ITSN1: variants seen among roughly 807,000 people sequenced by gnomAD.
The protein encoded by ITSN1 is intersectin 1, also known as intersectin-1.
In ITSN1, 58 loss-of-function variants were observed where a neutral mutation model predicts 239.8. The ratio of observed to expected loss-of-function variants is 0.24; its 90% CI spans 0.20 to 0.30. The LOEUF (loss-of-function observed/expected upper bound fraction) is 0.30, where lower values mean the gene tolerates loss of function less well. Ranked by LOEUF, ITSN1 falls within the 10% of genes least tolerant of loss-of-function variation. ITSN1 has a pLI of 1.00. For missense variants in ITSN1, 1,558 were observed against 2,103.3 expected, an observed-to-expected ratio of 0.74 and a Z score of 5.07; for synonymous variants, 780 against 770.8, an observed-to-expected ratio of 1.01 and a Z score of -0.20.
chr21:33,684,002 G>A (rs2091108483), intron 1 of ITSN1, among the ~76,000 whole-genome samples: 1 of 152,146 alleles, frequency 6.6e-6, no homozygotes, highest in Admixed American at 6.5e-5. Flanking sequence ...AAAAGGAGGA[G>A]AATGAAGCCA....
At chr21:33,704,556 A>G (rs1313469106) in intron 1 of ITSN1, among the ~76,000 whole-genome samples, 1 of 152,146 alleles carries the variant, frequency 6.6e-6, no homozygotes, top group African/African-American at 2.4e-5. Context: ...TACTAATAAT[A>G]TTTAGTCCAT....
intron 34 of ITSN1, among the ~76,000 whole-genome samples, chr21:33,876,367 T>A (rs1569333960): frequency 6.6e-6 from 1 of 151,570 alleles, no homozygotes; most frequent in Non-Finnish European, 1.5e-5. Context: ...TCTTCTTTTT[T>A]CTTTTCTTTC....
intron 1 of ITSN1, among the ~76,000 whole-genome samples, chr21:33,670,199 A>G (rs2090179819): frequency 6.6e-6 from 1 of 152,088 alleles, no homozygotes; most frequent in Non-Finnish European, 1.5e-5. Flanking sequence ...ACCAAAAAGT[A>G]AAAAAATTAG....
chr21:33,663,930 T>C (rs970361792), intron 1 of ITSN1, among the ~76,000 whole-genome samples: 1 of 152,134 alleles, frequency 6.6e-6, no homozygotes. Context: ...AACCAAGAGT[T>C]ATTTAAAAGA....
chr21:33,763,286 G>A (rs958406447), intron 9 of ITSN1, among the ~76,000 whole-genome samples: 1 of 143,844 alleles, frequency 7.0e-6, no homozygotes, highest in Non-Finnish European at 1.5e-5. Flanking sequence ...CATTTGTCCT[G>A]TAGTTTCTTA....
chr21:33,874,654 C>T (rs9983771), intron 33 of ITSN1, among the ~76,000 whole-genome samples: 78,621 of 142,130 alleles, frequency 0.55, 22,308 homozygotes, highest in African/African-American at 0.68. Context: ...CTTTTTCTTT[C>T]TTTTTTTTTT....
intron 33 of ITSN1, among the ~76,000 whole-genome samples, chr21:33,870,517 T>C (rs1377385753): frequency 6.6e-6 from 1 of 152,216 alleles, no homozygotes; most frequent in Non-Finnish European, 1.5e-5. Context: ...TGAAATCTGC[T>C]AAAGTACTAA....
chr21:33,714,031 C>T (rs570154515), intron 1 of ITSN1, among the ~76,000 whole-genome samples: 3 of 151,914 alleles, frequency 2.0e-5, no homozygotes, highest in South Asian at 2.1e-4. Context: ...GGGGTTTTAC[C>T]GTGTTAGCCA....
At chr21:33,790,767 T>G (rs1415657274) in intron 16 of ITSN1, among the ~76,000 whole-genome samples, 1 of 152,220 alleles carries the variant, frequency 6.6e-6, no homozygotes, top group Non-Finnish European at 1.5e-5. Context: ...TGTTGATACT[T>G]TCAGTGTGGT....
At chr21:33,837,249 C>T (rs369811036) in intron 29 of ITSN1, 3 of 1,223,042 alleles carry the variant, frequency 2.5e-6, no homozygotes, top group Non-Finnish European at 2.0e-6. Context: ...GTAGTGGGTC[C>T]TTTTGTGGCT....
chr21:33,836,064 A>G (rs944745275), intron 28 of ITSN1, among the ~76,000 whole-genome samples: 1 of 152,246 alleles, frequency 6.6e-6, no homozygotes, highest in African/African-American at 2.4e-5. Context: ...CCCATGATAC[A>G]TAGCTGTCCT....
chr21:33,668,679 G>C (rs543589262), intron 1 of ITSN1, among the ~76,000 whole-genome samples: 4 of 152,122 alleles, frequency 2.6e-5, no homozygotes, highest in Non-Finnish European at 5.9e-5. Context: ...TGAGTTAAAG[G>C]CTCTTACCTC....
At chr21:33,817,397 A>G (rs111556072) in intron 22 of ITSN1, 39 of 1,304,258 alleles carry the variant, frequency 3.0e-5, no homozygotes, top group Middle Eastern at 2.1e-4. Flanking sequence ...AGTCCTTCTC[A>G]TCCTTCAAGG....
intron 11 of ITSN1, among the ~76,000 whole-genome samples, chr21:33,769,739 A>G (rs1397814740): frequency 3.3e-5 from 5 of 149,260 alleles, no homozygotes; most frequent in African/African-American, 1.3e-4. Context: ...CTTGTTGCCC[A>G]GGCTGGAGTG....
In ITSN1 at chr21:33,882,320, G is replaced by A. The variant is rs565165107; in HGVS notation, c.4419G>A (p.Lys1473=). The stretch of plus-strand genomic sequence containing the variant: ...ACAGTGGGAAGCTCTACAAGGCCAA[G>A]AGCAACAAGGAGCTGTATGGCTTCC... The part of the protein sequence containing the change: ...FLHSGKLYKA[K]SNKELYGFLF... The change falls in exon 35 of 40, where the codon AAG becomes AAA. Residue 1473 remains lysine (K), a synonymous_variant. Coordinates refer to ENST00000381318, the MANE Select transcript of ITSN1 (RefSeq NM_003024.3). The surrounding 1 kb of genome is among the most constrained non-coding windows in gnomAD (Gnocchi z 4.5). 21 of 1,614,226 alleles carry A rather than the reference G, an allele frequency of 1.3e-5. No individual in the cohort carries two copies. The South Asian group carries it at 2.3e-4, about 18-fold the overall frequency.
intron 5 of ITSN1, among the ~76,000 whole-genome samples, chr21:33,746,106 A>G (rs148992046): frequency 1.3e-5 from 2 of 152,314 alleles, no homozygotes; most frequent in African/African-American, 4.8e-5. Flanking sequence ...GCTTAAAGAT[A>G]AAAACGAATT....
chr21:33,716,060 A>G (rs955660212), intron 1 of ITSN1, among the ~76,000 whole-genome samples: 6 of 152,226 alleles, frequency 3.9e-5, no homozygotes, highest in Non-Finnish European at 7.3e-5. Context: ...AACTGAGTTC[A>G]CAGAGAAAGA....
chr21:33,829,489 C>G (rs1008528201), intron 26 of ITSN1, 135 bp from the exon 27 acceptor site: 2 of 901,468 alleles, frequency 2.2e-6, no homozygotes, highest in Admixed American at 2.3e-5. Flanking sequence ...GAGCCTTACT[C>G]GTTGGGTAGA....
rs1195768417 is a variant in ITSN1 at position 33,893,962 on chromosome 21, A to G, written c.*5662A>G. ...CATTAAAACCCAGACACCAAGACACACTAGACAGTCCATCTCTGGGTTGTG... is the reference window on the plus strand; with the variant it reads ...CATTAAAACCCAGACACCAAGACACGCTAGACAGTCCATCTCTGGGTTGTG... On this transcript the variant is annotated 3_prime_UTR_variant, in exon 40 of 40. Coordinates refer to ENST00000381318, the MANE Select transcript of ITSN1 (RefSeq NM_003024.3). The G allele has an allele frequency of 6.6e-6, 1 of 152,206 alleles. No individual in the cohort carries two copies. The highest frequency in any genetic ancestry group is 2.4e-5 in the African/African-American group (1 of 41,428). The allele number at this position is 152,206 out of a possible 1,614,324, so 9.4% of individuals were successfully genotyped here. A position where few individuals can be genotyped will look rare whatever the true frequency, so the allele number is the denominator to read the frequency against.
Sources: gnomAD v4.1 joint callset for allele counts (sites outside exome capture counted in the v4.1 genomes callset) on GRCh38, gnomAD v4.1.1 for gene constraint, Gnocchi (gnomAD v3.1) non-coding constraint, MANE v1.5 for transcripts, NCBI Gene and HGNC (gene_info 2026-07-23, HGNC 2026-07-21) for gene names.